The following CADPS2 variants were observed in gnomAD, a reference collection of about 807,000 sequenced individuals.
CADPS2 encodes calcium dependent secretion activator 2, also known as calcium-dependent secretion activator 2.
In CADPS2, 93 loss-of-function variants were observed where a neutral mutation model predicts 172.5. The ratio of observed to expected loss-of-function variants is 0.54; its 90% CI spans 0.46 to 0.64. CADPS2 has a LOEUF of 0.64. Ranked by LOEUF, CADPS2 falls within the 30% of genes least tolerant of loss-of-function variation. The probability of loss-of-function intolerance (pLI) is 0.00; values close to 1 mark genes in which losing one functional copy is unlikely to be tolerated. For synonymous variants in CADPS2, 546 were observed against 555.2 expected, an observed-to-expected ratio of 0.98 and a Z score of 0.23; for missense variants, 1,420 against 1,565.9, an observed-to-expected ratio of 0.91 and a Z score of 1.57.
chr7:122,829,249 C>A (rs1026500908), intron 1 of CADPS2, among the ~76,000 whole-genome samples: 1 of 152,078 alleles, frequency 6.6e-6, no homozygotes, highest in African/African-American at 2.4e-5. Flanking sequence ...CTTCTACTCA[C>A]CACATTTTAA....
intron 1 of CADPS2, among the ~76,000 whole-genome samples, chr7:122,745,188 A>T (rs2092672457): frequency 6.6e-6 from 1 of 151,944 alleles, no homozygotes; most frequent in Admixed American, 6.6e-5. Flanking sequence ...CAAATTTCAA[A>T]TATAAAATAT....
intron 28 of CADPS2, among the ~76,000 whole-genome samples, chr7:122,343,727 A>C (rs578203410): frequency 6.6e-6 from 1 of 152,330 alleles, no homozygotes; most frequent in South Asian, 2.1e-4. Flanking sequence ...TCTAAGAAGA[A>C]ACATAATGGG....
intron 3 of CADPS2, among the ~76,000 whole-genome samples, chr7:122,633,678 C>A (rs1020847902): frequency 1.3e-5 from 2 of 152,082 alleles, no homozygotes; most frequent in African/African-American, 2.4e-5. Context: ...TACATGGATG[C>A]ATTTTATTTA....
At chr7:122,438,306 T>C in intron 17 of CADPS2, 35 bp downstream of exon 17, 1 of 1,611,300 alleles carries the variant, frequency 6.2e-7, no homozygotes, top group Non-Finnish European at 8.5e-7. Context: ...TTGTTGGCTC[T>C]CACTGCCACT....
At chr7:122,667,489 A>G (rs937542556) in intron 2 of CADPS2, among the ~76,000 whole-genome samples, 9 of 152,190 alleles carry the variant, frequency 5.9e-5, no homozygotes, top group African/African-American at 2.2e-4. Flanking sequence ...ATTAGATGTA[A>G]TGTAATCAAC....
chr7:122,715,900 T>C (rs1409141063), intron 2 of CADPS2, among the ~76,000 whole-genome samples: 1 of 152,080 alleles, frequency 6.6e-6, no homozygotes, highest in Non-Finnish European at 1.5e-5. Flanking sequence ...ATCTTCTATC[T>C]ACAATTCAAT....
chr7:122,704,537 A>AT (rs76233656), intron 2 of CADPS2, among the ~76,000 whole-genome samples: 9,323 of 152,042 alleles, frequency 0.061, 346 homozygotes, highest in South Asian at 0.17. Flanking sequence ...TATTTTGCAG[A>AT]TTTTTTGTGG....
intron 9 of CADPS2, among the ~76,000 whole-genome samples, chr7:122,505,735 C>G (rs1039921898): frequency 2.0e-5 from 3 of 152,168 alleles, no homozygotes; most frequent in Non-Finnish European, 4.4e-5. Context: ...AATACATCAA[C>G]TCCAGAAGCT....
chr7:122,503,999 G>A (rs1446887495), intron 9 of CADPS2, among the ~76,000 whole-genome samples: 1 of 152,070 alleles, frequency 6.6e-6, no homozygotes, highest in Non-Finnish European at 1.5e-5. Flanking sequence ...ACCATATTAA[G>A]GTATTTCAAC....
chr7:122,386,397 G>A, intron 24 of CADPS2: 2 of 763,762 alleles, frequency 2.6e-6, no homozygotes, highest in Non-Finnish European at 3.9e-6. Context: ...AATTACAATG[G>A]GAAAAAAAGG....
intron 1 of CADPS2, among the ~76,000 whole-genome samples, chr7:122,782,634 A>C (rs937308787): frequency 1.3e-5 from 2 of 152,172 alleles, no homozygotes; most frequent in East Asian, 1.9e-4. Flanking sequence ...ACAACAACAA[A>C]AAATTGAGTT....
intron 2 of CADPS2, among the ~76,000 whole-genome samples, chr7:122,664,823 G>A (rs1022258650): frequency 4.6e-5 from 7 of 151,794 alleles, no homozygotes; most frequent in Non-Finnish European, 1.0e-4. Context: ...CTCACTCTGT[G>A]GCCCAGGCTG....
At chr7:122,437,595 C>T (rs2050793971) in intron 17 of CADPS2, among the ~76,000 whole-genome samples, 1 of 151,844 alleles carries the variant, frequency 6.6e-6, no homozygotes, top group Admixed American at 6.6e-5. Flanking sequence ...TTTTTTCCCT[C>T]TATTAGTTAA....
chr7:122,838,819 G>C (rs1809429056), intron 1 of CADPS2, among the ~76,000 whole-genome samples: 1 of 152,192 alleles, frequency 6.6e-6, no homozygotes, highest in Non-Finnish European at 1.5e-5. Context: ...CTCATGGATA[G>C]GAAGAATCAA....
intron 2 of CADPS2, among the ~76,000 whole-genome samples, chr7:122,734,376 A>G (rs113451304): frequency 1.1e-3 from 106 of 95,432 alleles, no homozygotes; most frequent in African/African-American, 2.9e-3. Flanking sequence ...AAAAAAAAAA[A>G]AAAAAAAAAA....
At chr7:122,834,500 G>T in intron 1 of CADPS2, among the ~76,000 whole-genome samples, 1 of 152,138 alleles carries the variant, frequency 6.6e-6, no homozygotes, top group East Asian at 1.9e-4. Context: ...TGCCTCACCC[G>T]GGGAGCACAA....
chr7:122,706,022 TATAA>T (rs1336784320), intron 2 of CADPS2, among the ~76,000 whole-genome samples: 1 of 99,544 alleles, frequency 1.0e-5, no homozygotes, highest in East Asian at 2.5e-4. Context: ...TTATATATTA[TATAA>T]ATATATATTA....
intron 7 of CADPS2, among the ~76,000 whole-genome samples, chr7:122,558,416 C>A (rs543233309): frequency 6.6e-6 from 1 of 152,114 alleles, no homozygotes; most frequent in Non-Finnish European, 1.5e-5. Context: ...CTTTACCATT[C>A]GTTTCTCTTA....
intron 17 of CADPS2, among the ~76,000 whole-genome samples, chr7:122,431,663 C>T (rs971444967): frequency 5.3e-5 from 8 of 152,208 alleles, no homozygotes; most frequent in Admixed American, 6.5e-5. Flanking sequence ...GTTCAGTTTT[C>T]TGAGAAGAAG....
Sources: gnomAD v4.1 joint callset for allele counts (sites outside exome capture counted in the v4.1 genomes callset) on GRCh38, gnomAD v4.1.1 for gene constraint, MANE v1.5 for transcripts, NCBI Gene and HGNC (gene_info 2026-07-23, HGNC 2026-07-21) for gene names.